The following RGN variants were observed in gnomAD, a reference collection of about 807,000 sequenced individuals.
RGN encodes epididymis secretory protein Li 41.
A neutral mutation model predicts 20.6 loss-of-function variants in RGN; 19 were observed. That is an observed-to-expected ratio of 0.92 (90% CI 0.64 to 1.35). The LOEUF is 1.35. RGN is among the 40% of genes most tolerant of loss of function. RGN has a pLI of 0.00. For missense variants in RGN, 302 were observed against 232.7 expected (o/e 1.30, Z -1.94); for synonymous variants, 85 against 87.2 (o/e 0.97, Z 0.14).
intron 3 of RGN, among the ~76,000 whole-genome samples, chrX:47,082,303 CTTTT>C (rs11286766): frequency 5.1e-5 from 3 of 59,259 alleles, no homozygotes; most frequent in Non-Finnish European, 9.1e-5. Flanking sequence ...GGGACCTCAA[CTTTT>C]TTTTTTTTTT....
intron 5 of RGN, among the ~76,000 whole-genome samples, chrX:47,090,530 C>T (rs1443620576): frequency 3.6e-5 from 4 of 109,805 alleles, no homozygotes; most frequent in Non-Finnish European, 7.6e-5. Flanking sequence ...CATCAATACG[C>T]TTGAAAGGAG....
Position 47,089,932 on chromosome X carries a change from T to C in RGN, c.503T>C (p.Ile168Thr), listed in dbSNP as rs782400374. Residue 168 changes from isoleucine (I) to threonine (T), a missense_variant, in exon 5 of 8, where the codon ATT becomes ACT. Coordinates refer to ENST00000397180, the MANE Select transcript of RGN (RefSeq NM_152869.4). ...CTAGACCACAAAATCTTCTATTACA[T>C]TGACAGCCTGTCCTACTCCGTGGAT... is the stretch of plus-strand genomic sequence containing the variant. ...WSLDHKIFYY[I>T]DSLSYSVDAF... 5.0e-6 allele frequency: 6 copies of C among 1,209,777 alleles called. No homozygotes were observed. Among genetic ancestry groups the C allele is most frequent in the Non-Finnish European group, 6.7e-6 (6 of 894,363 alleles).
chrX:47,092,407 T>C (rs1306926995), intron 7 of RGN, among the ~76,000 whole-genome samples, 192 bp downstream of exon 7: 7 of 112,154 alleles, frequency 6.2e-5, no homozygotes, highest in Non-Finnish European at 1.3e-4. Context: ...TCCAAGATGA[T>C]CTGTTTAGCC....
At chrX:47,081,513 G>GT (rs202235070) in intron 3 of RGN, among the ~76,000 whole-genome samples, 1,038 of 56,604 alleles carry the variant, frequency 0.018, 10 homozygotes, top group Non-Finnish European at 0.025. Context: ...AACATTCCTA[G>GT]TTTTTTTTTG....
At chrX:47,086,250 G>A (rs1361537728) in intron 4 of RGN, among the ~76,000 whole-genome samples, 2 of 111,274 alleles carry the variant, frequency 1.8e-5, no homozygotes, top group Admixed American at 1.9e-4. Context: ...CTGGAATACC[G>A]CATAGATAAT....
intron 4 of RGN, among the ~76,000 whole-genome samples, chrX:47,085,113 T>C (rs1556383728): frequency 8.9e-6 from 1 of 112,431 alleles, no homozygotes; most frequent in East Asian, 2.8e-4. Flanking sequence ...TTTCCATCTC[T>C]AGCAGAGACT....
At chrX:47,089,541 C>T (rs868977683) in intron 4 of RGN, among the ~76,000 whole-genome samples, 5 of 65,080 alleles carry the variant, frequency 7.7e-5, no homozygotes, top group African/African-American at 1.9e-4. Flanking sequence ...CATATATATA[C>T]ATATTATATA....
intron 4 of RGN, among the ~76,000 whole-genome samples, chrX:47,086,104 G>C (rs1556384148): frequency 9.1e-6 from 1 of 110,259 alleles, no homozygotes; most frequent in Non-Finnish European, 1.9e-5. Flanking sequence ...AGCTTTTTTT[G>C]TTTGTTTTTT....
In RGN at chrX:47,080,361, G is replaced by C. The variant is rs1274882315; in HGVS notation, c.-591G>C. 1 of 111,743 alleles carries C rather than the reference G, an allele frequency of 8.9e-6. No homozygotes were observed. Among genetic ancestry groups the C allele is most frequent in the Non-Finnish European group, 1.9e-5 (1 of 53,198 alleles). The allele number at this position is 111,743 out of a possible 1,213,427, so 9.2% of individuals were successfully genotyped here. On this transcript the variant is annotated 5_prime_UTR_variant, in exon 2 of 8. Coordinates refer to ENST00000397180, the MANE Select transcript of RGN (RefSeq NM_152869.4). The stretch of plus-strand genomic sequence containing the variant: ...TCCCAGTTCGCTGGTCATGGTCTCT[G>C]GCCTAAAGTCCCAGCATAGACTGTT...
At position 47,089,779 on chromosome X, in the gene RGN, C is replaced by T. The variant is rs1434754354; in HGVS notation, c.350C>T (p.Thr117Ile). Residue 117 changes from threonine (T) to isoleucine (I), a missense_variant, in exon 5 of 8, where the codon ACC (threonine) becomes ATC (isoleucine). Transcript: ENST00000397180. ...CAGTGCTCTTTGGTTTTTGTAGGCA[C>T]CATGGCTGAGGAAACAGCTCCAGCA... ...VDPAGRYFAGTMAEETAPAVL... is the reference protein window; with the variant it reads ...VDPAGRYFAGIMAEETAPAVL... 8.3e-7 allele frequency: 1 copy of T among 1,203,198 alleles called. No homozygotes were observed. Among genetic ancestry groups the T allele is most frequent in the Non-Finnish European group, 1.1e-6 (1 of 891,851 alleles).
At chrX:47,087,991 A>T (rs1402614678) in intron 4 of RGN, among the ~76,000 whole-genome samples, 4 of 100,052 alleles carry the variant, frequency 4.0e-5, no homozygotes, top group Admixed American at 1.2e-4. Flanking sequence ...ATTATATATA[A>T]TTATAATATA....
rs781867031 is a variant in RGN at position 47,084,556 on chromosome X, G to A, written c.302G>A (p.Arg101His). ...ATVDNDKKNNRFNDGKVDPAG... is the reference protein window; with the variant it reads ...ATVDNDKKNNHFNDGKVDPAG... ...GTGGATAACGACAAGAAAAACAATC[G>A]CTTCAATGATGGGAAGGTGGATCCC... Residue 101 changes from arginine (R) to histidine (H), a missense_variant, in exon 4 of 8, where the codon CGC becomes CAC. By Grantham distance (29) the Arg-to-His change is conservative (BLOSUM62 0). Transcript: ENST00000397180. 12 of 1,199,824 alleles carry A rather than the reference G, an allele frequency of 1.0e-5. No homozygotes were observed. The highest frequency in any genetic ancestry group is 3.0e-5 in the East Asian group (1 of 33,393).
At chrX:47,084,025 C>T (rs1556382728) in intron 3 of RGN, among the ~76,000 whole-genome samples, 2 of 110,901 alleles carry the variant, frequency 1.8e-5, no homozygotes, top group Middle Eastern at 4.6e-3. Flanking sequence ...TTTTCTGGAG[C>T]ATTTTCTGGC....
chrX:47,081,279 C>T lies in RGN; in HGVS notation c.135C>T (p.Phe45=), dbSNP rs782143162. The T allele has an allele frequency of 1.3e-5, 16 of 1,211,019 alleles. 1 individual carries two copies. The South Asian group carries it at 2.6e-4, about 20-fold the overall frequency. The change falls in exon 3 of 8, where the codon TTC becomes TTT. Residue 45 remains phenylalanine (F), a synonymous_variant. Transcript: ENST00000397180. ...PAKKVCRWDS[F]TKQVQRVTMD... ...AAAAGGTTTGCCGGTGGGATTCATTCACCAAGCAAGTACAGCGAGTGACCA... is the reference window on the plus strand; with the variant it reads ...AAAAGGTTTGCCGGTGGGATTCATTTACCAAGCAAGTACAGCGAGTGACCA...
intron 2 of RGN, 65 bp downstream of exon 2, chrX:47,081,001 TC>T (rs373572499): frequency 4.5e-5 from 21 of 466,616 alleles, no homozygotes; most frequent in African/African-American, 4.4e-4. Flanking sequence ...TATGTGTCTC[TC>T]CCTGTCACAT....
Position 47,080,555 on chromosome X carries a change from A to C in RGN, c.-397A>C, listed in dbSNP as rs1930251352. On this transcript the variant is annotated 5_prime_UTR_variant, in exon 2 of 8. Transcript: ENST00000397180. ...AATGTGTGTTAGTTCGAATTCAGCGAGTTCTCATTGGGGTGAACATAGTCC... is the reference window on the plus strand; with the variant it reads ...AATGTGTGTTAGTTCGAATTCAGCGCGTTCTCATTGGGGTGAACATAGTCC... 8.9e-6 allele frequency: 1 copy of C among 112,207 alleles called. No individual in the cohort carries two copies. Among genetic ancestry groups the C allele is most frequent in the African/African-American group, 3.3e-5 (1 of 30,651 alleles). The allele number at this position is 112,207 out of a possible 1,213,427, so 9.2% of individuals were successfully genotyped here.
At position 47,091,799 on chromosome X, in the gene RGN, T is replaced by C; in HGVS notation, c.684T>C (p.Asp228=). ...ATGGAGGAAGAGTGATTCGTTTAGATCCTGTGACAGGTAGGCCTGCAGCAA... is the reference window on the plus strand; with the variant it reads ...ATGGAGGAAGAGTGATTCGTTTAGACCCTGTGACAGGTAGGCCTGCAGCAA... ...CYNGGRVIRL[D]PVTGKRLQTV... is the part of the protein sequence containing the mutation. The change falls in exon 6 of 8, where the codon GAT becomes GAC. Residue 228 remains aspartate, a synonymous_variant. Coordinates refer to ENST00000397180, the MANE Select transcript of RGN (RefSeq NM_152869.4). 1 of 1,209,312 alleles carries C rather than the reference T, an allele frequency of 8.3e-7. No homozygotes were observed. The highest frequency in any genetic ancestry group is 1.1e-6 in the Non-Finnish European group (1 of 894,798).
rs1569540487 is a variant in RGN at position 47,089,360 on chromosome X, A to ATATAATATAAAATTATATTATATAAT, written c.347-405_347-380dup. Among the ~76,000 whole-genome samples the ATATAATATAAAATTATATTATATAAT allele has an allele frequency of 1.8e-4, 12 of 66,261 alleles. 1 individual carries two copies. Among genetic ancestry groups the ATATAATATAAAATTATATTATATAAT allele is most frequent in the South Asian group, 7.3e-4 (1 of 1,376 alleles). 57.5% of individuals were successfully genotyped at this position (66,261 alleles called of 115,157 possible). Reference sequence around the variant, plus strand: ...TGTCATTTTATATATATATAAGTATATATAATATAAAATTATATTATATAA... The same window carrying ATATAATATAAAATTATATTATATAAT: ...TGTCATTTTATATATATATAAGTATATATAATATAAAATTATATTATATAATTATAATATAAAATTATATTATATAA... On this transcript the variant is annotated intron_variant, in intron 4 of 7. Transcript: ENST00000397180.
At chrX:47,081,108 T>A (rs371941816) in intron 2 of RGN, 22 bp from the exon 3 acceptor site, 4 of 1,149,595 alleles carry the variant, frequency 3.5e-6, no homozygotes, top group Non-Finnish European at 4.8e-6. Context: ...GACCTTTCAC[T>A]CACCTCTGTT....
Sources: allele counts gnomAD v4.1 joint callset (sites outside exome capture counted in the v4.1 genomes callset), GRCh38; gene constraint gnomAD v4.1.1; transcripts MANE v1.5; gene names NCBI Gene and HGNC (gene_info 2026-07-23, HGNC 2026-07-21).